Variants in CACNA1G observed in about 807,000 individuals in gnomAD.
CACNA1G encodes the protein calcium voltage-gated channel subunit alpha1 G.
In CACNA1G, 67 loss-of-function variants were observed where a neutral mutation model predicts 219.4. The ratio of observed to expected loss-of-function variants is 0.31; its 90% CI spans 0.25 to 0.37. The LOEUF is 0.37. Among genes scored for constraint, CACNA1G ranks in the 10% least tolerant of loss-of-function variants. The pLI, the probability that CACNA1G is intolerant of heterozygous loss-of-function variation, is 1.00. For missense variants in CACNA1G, 2,380 were observed against 3,231.4 expected (o/e 0.74, Z 6.39); for synonymous variants, 1,296 against 1,345.3 (o/e 0.96, Z 0.80).
At chr17:50,604,313 G>A (rs1217722003) in intron 22 of CACNA1G, 32 bp downstream of exon 22, 1 of 1,608,932 alleles carries the variant, frequency 6.2e-7, no homozygotes, top group African/African-American at 1.3e-5. Context: ...AGCTGTGGGT[G>A]AAAGCCTGAA....
At chr17:50,576,901 C>T (rs1313460280) in intron 8 of CACNA1G, among the ~76,000 whole-genome samples, 2 of 152,232 alleles carry the variant, frequency 1.3e-5, no homozygotes, top group Admixed American at 1.3e-4. Context: ...AGACCCAGTT[C>T]AGGGAGCTGC....
chr17:50,600,963 C>T lies in CACNA1G; in HGVS notation c.3792-88C>T. ...AGCAGGGTGGCCTCAGCTGGGAGGG[C>T]ACTGGAGGGGCAGGGGCTGCGGGCG... On this transcript the variant is annotated intron_variant, in intron 18 of 37. Transcript: ENST00000359106. This position sits in a 1 kb window ranked among gnomAD's most constrained non-coding sequence, Gnocchi z 4.1. The T allele has an allele frequency of 1.9e-6, 3 of 1,587,004 alleles. No homozygotes were observed. Among genetic ancestry groups the T allele is most frequent in the Non-Finnish European group, 2.6e-6 (3 of 1,162,014 alleles).
rs772624455 is a variant in CACNA1G at position 50,618,931 on chromosome 17, G to A, written c.5704G>A (p.Asp1902Asn). The A allele has an allele frequency of 1.1e-4, 171 of 1,602,214 alleles. No individual in the cohort carries two copies. In the East Asian group the frequency reaches 1.5e-3, roughly 14 times the overall value. The stretch of plus-strand genomic sequence containing the variant: ...TGGGGTCGAGGGCCCCGACAGCCCC[G>A]ACAGCCCCAAGCCTGGGGCTCTGCA... ...WPGVEGPDSP[D>N]SPKPGALHPA... Residue 1902 changes from aspartate (D) to asparagine (N), a missense_variant, in exon 33 of 38, where the codon GAC becomes AAC. Asp to Asn is a conservative substitution (Grantham distance 23). Coordinates refer to ENST00000359106, the MANE Select transcript of CACNA1G (RefSeq NM_018896.5). This position sits in a 1 kb window ranked among gnomAD's most constrained non-coding sequence, Gnocchi z 5.3.
rs1301493613 is a variant in CACNA1G at position 50,621,987 on chromosome 17, G to T, written c.6060+193G>T. 6.6e-6 allele frequency among the ~76,000 whole-genome samples: 1 copy of T among 152,144 alleles called. No individual in the cohort carries two copies. Among genetic ancestry groups the T allele is most frequent in the Non-Finnish European group, 1.5e-5 (1 of 68,014 alleles). ...CACAAGGTCTTCAGGTTCCCCACTG[G>T]GGACAAAGAGATTAGATAAGTTTAA... On this transcript the variant is annotated intron_variant, in intron 35 of 37. Coordinates refer to ENST00000359106, the MANE Select transcript of CACNA1G (RefSeq NM_018896.5). This position sits in a 1 kb window ranked among gnomAD's most constrained non-coding sequence, Gnocchi z 4.6.
intron 7 of CACNA1G, among the ~76,000 whole-genome samples, chr17:50,575,237 T>C (rs557884190): frequency 7.8e-4 from 119 of 152,290 alleles, no homozygotes; most frequent in African/African-American, 2.8e-3. Flanking sequence ...GATTGCAGGA[T>C]AACACCATGT....
In CACNA1G at chr17:50,600,884, T is replaced by C; in HGVS notation, c.3791+58T>C. On this transcript the variant is annotated intron_variant, in intron 18 of 37. Transcript: ENST00000359106. This position sits in a 1 kb window ranked among gnomAD's most constrained non-coding sequence, Gnocchi z 4.1. ...CCGACCTCTTCTTCTCACGGGAAAT[T>C]ACCGCTGGTGATGCTGTCAGGGATT... 6.4e-7 allele frequency: 1 copy of C among 1,572,928 alleles called. No individual in the cohort carries two copies. The highest frequency in any genetic ancestry group is 1.1e-5 in the South Asian group (1 of 90,264).
At chr17:50,582,661 C>A (rs189416269) in intron 9 of CACNA1G, among the ~76,000 whole-genome samples, 1 of 152,186 alleles carries the variant, frequency 6.6e-6, no homozygotes, top group Admixed American at 6.5e-5. Context: ...AGGAGTGGGG[C>A]CTTGGAGACA....
chr17:50,606,815 G>T lies in CACNA1G; in HGVS notation c.4423-85G>T, dbSNP rs958340836. ...AAGGGCTGGGGTACTTGGAGCTGATGCAGGAGGCACTTTGGGGGCAGGTGA... is the reference window on the plus strand; with the variant it reads ...AAGGGCTGGGGTACTTGGAGCTGATTCAGGAGGCACTTTGGGGGCAGGTGA... On this transcript the variant is annotated intron_variant, in intron 23 of 37. Transcript: ENST00000359106. 9.6e-6 allele frequency: 9 copies of T among 934,780 alleles called. No homozygotes were observed. In the African/African-American group the frequency reaches 1.3e-4, roughly 14 times the overall value. The allele number at this position is 934,780 out of a possible 1,614,324, so 57.9% of individuals were successfully genotyped here.
intron 9 of CACNA1G, among the ~76,000 whole-genome samples, chr17:50,589,349 C>T (rs1003196277): frequency 2.0e-5 from 3 of 152,186 alleles, no homozygotes; most frequent in African/African-American, 2.4e-5. Context: ...TGTGTGTTCA[C>T]CCCTCACCTT....
chr17:50,607,140 A>C, intron 24 of CACNA1G, 151 bp downstream of exon 24: 1 of 705,462 alleles, frequency 1.4e-6, no homozygotes, highest in South Asian at 1.5e-5. Context: ...CCTGTGGGCC[A>C]AATCTGGGCA....
At chr17:50,568,156 C>T (rs779595233) in intron 1 of CACNA1G, among the ~76,000 whole-genome samples, 71 of 152,140 alleles carry the variant, frequency 4.7e-4, no homozygotes, top group Non-Finnish European at 7.6e-4. Context: ...GGGACTGCAG[C>T]TGTGGACGTC....
Position 50,593,859 on chromosome 17 carries a change from C to A in CACNA1G, c.2911-1134C>A, listed in dbSNP as rs2044911421. Among the ~76,000 whole-genome samples the A allele has an allele frequency of 2.6e-5, 4 of 152,196 alleles. No individual in the cohort carries two copies. In the South Asian group the frequency reaches 8.3e-4, roughly 32 times the overall value. ...CCCATGGGAGGGGCTGGGCCAGTTGCTCCCCTGTCCTGCATGTGGTGGGCA... is the reference window on the plus strand; with the variant it reads ...CCCATGGGAGGGGCTGGGCCAGTTGATCCCCTGTCCTGCATGTGGTGGGCA... On this transcript the variant is annotated intron_variant, in intron 13 of 37. Coordinates refer to ENST00000359106, the MANE Select transcript of CACNA1G (RefSeq NM_018896.5).
chr17:50,587,851 CCT>C (rs2043297415), intron 9 of CACNA1G, among the ~76,000 whole-genome samples: 1 of 152,078 alleles, frequency 6.6e-6, no homozygotes, highest in African/African-American at 2.4e-5. Flanking sequence ...TCTCCATAAG[CCT>C]CTCGGTGGTG....
At chr17:50,570,828 G>C (rs2039270692) in intron 4 of CACNA1G, among the ~76,000 whole-genome samples, 1 of 152,172 alleles carries the variant, frequency 6.6e-6, no homozygotes, top group Non-Finnish European at 1.5e-5. Flanking sequence ...GGGGTAGGAG[G>C]AGGGGGAGGG....
intron 13 of CACNA1G, among the ~76,000 whole-genome samples, chr17:50,592,844 G>C (rs780758540): frequency 1.3e-5 from 2 of 152,144 alleles, no homozygotes; most frequent in Non-Finnish European, 2.9e-5. Context: ...GTCTGGAGAA[G>C]CTCTTGGTCC....
intron 34 of CACNA1G, 63 bp downstream of exon 34, chr17:50,619,889 A>T: frequency 1.4e-6 from 2 of 1,480,686 alleles, no homozygotes; most frequent in Non-Finnish European, 1.8e-6. Flanking sequence ...ACGCTGTGCC[A>T]TGCTTCTGGG....
At chr17:50,586,001 G>A (rs191065654) in intron 9 of CACNA1G, among the ~76,000 whole-genome samples, 41 of 152,302 alleles carry the variant, frequency 2.7e-4, no homozygotes, top group African/African-American at 9.6e-4. Flanking sequence ...GAGCACGAGT[G>A]ACTGGTCCAA....
In CACNA1G at chr17:50,578,639, C is replaced by T. The variant is rs2041229980; in HGVS notation, c.2301+75C>T. Reference sequence around the variant, plus strand: ...GGCTGGGGCCTTCTACCTCCCTCCGCACCCCTCCTCCTGAGCTCAGCTTCC... The same window carrying T: ...GGCTGGGGCCTTCTACCTCCCTCCGTACCCCTCCTCCTGAGCTCAGCTTCC... On this transcript the variant is annotated intron_variant, in intron 9 of 37. Transcript: ENST00000359106. This position sits in a 1 kb window ranked among gnomAD's most constrained non-coding sequence, Gnocchi z 4.5. The T allele has an allele frequency of 2.1e-6, 3 of 1,412,746 alleles. No homozygotes were observed. The highest frequency in any genetic ancestry group is 2.8e-6 in the Non-Finnish European group (3 of 1,052,794). The allele number at this position is 1,412,746 out of a possible 1,614,324, so 87.5% of individuals were successfully genotyped here.
chr17:50,603,185 C>G lies in CACNA1G; in HGVS notation c.4155C>G (p.Thr1385=), dbSNP rs201226731. 126 of 1,604,714 alleles carry G rather than the reference C, an allele frequency of 7.9e-5. 1 individual carries two copies. The African/African-American group carries it at 1.5e-3, about 19-fold the overall frequency. The part of the protein sequence containing the change: ...GMLRVLRLLR[T]LRPLRVISRA... ...TGAGGGTGCTGCGGCTGCTGCGGAC[C>G]CTGCGCCCGCTCAGGTGACTCCCTC... The change falls in exon 21 of 38, where the codon ACC becomes ACG. Residue 1385 remains threonine (T), a synonymous_variant. Transcript: ENST00000359106. This position sits in a 1 kb window ranked among gnomAD's most constrained non-coding sequence, Gnocchi z 6.4.
Sources: gnomAD v4.1 joint callset for allele counts (sites outside exome capture counted in the v4.1 genomes callset) on GRCh38, gnomAD v4.1.1 for gene constraint, Gnocchi (gnomAD v3.1) non-coding constraint, MANE v1.5 for transcripts, NCBI Gene and HGNC (gene_info 2026-07-23, HGNC 2026-07-21) for gene names.